The following NAV1 variants were observed in gnomAD, a reference collection of about 807,000 sequenced individuals.
NAV1 encodes the protein neuron navigator 1.
A neutral mutation model predicts 175.2 loss-of-function variants in NAV1; 18 were observed. That is an observed-to-expected ratio of 0.10 (90% CI 0.07 to 0.15). The LOEUF (loss-of-function observed/expected upper bound fraction) is 0.15. Among genes scored for constraint, NAV1 ranks in the 10% least tolerant of loss-of-function variants. NAV1 has a pLI of 1.00. For synonymous variants in NAV1, 897 were observed against 978.7 expected (o/e 0.92, Z 1.56); for missense variants, 1,731 against 2,436.6 (o/e 0.71, Z 6.10).
intron 12 of NAV1, 35 bp downstream of exon 16, chr1:201,790,612 A>G (rs1182684945): frequency 1.2e-6 from 2 of 1,613,948 alleles, no homozygotes; most frequent in Non-Finnish European, 1.7e-6. Context: ...GCTTGTTAAC[A>G]TCACTGCACC....
Position 201,782,923 on chromosome 1 carries a change from A to AT in NAV1, c.2357+55dup. The AT allele has an allele frequency of 1.4e-6, 2 of 1,464,294 alleles. No homozygotes were observed. The highest frequency in any genetic ancestry group is 4.3e-5 in the Admixed American group (2 of 46,898). 90.7% of individuals were successfully genotyped at this position (1,464,294 alleles called of 1,614,324 possible). On this transcript the variant is annotated intron_variant, in intron 6 of 29. Transcript: ENST00000367296. This position sits in a 1 kb window ranked among gnomAD's most constrained non-coding sequence, Gnocchi z 5.4. ...TCTGTTTGCTTTGTCATTCTTTCGC[A>AT]TATCTCTGCCCTCCTTGGACTAGAT...
rs1188216052 is a variant in NAV1 at position 201,812,406 on chromosome 1, G to A, written c.5025-59G>A. The A allele has an allele frequency of 1.3e-6, 2 of 1,542,618 alleles. No homozygotes were observed. Among genetic ancestry groups the A allele is most frequent in the Middle Eastern group, 2.0e-4 (1 of 4,932 alleles). The stretch of plus-strand genomic sequence containing the variant: ...AAGGAGGGACAGACTGGCAGGGGCT[G>A]AACCCTGACAATGTCCCCATTGCCA... On this transcript the variant is annotated intron_variant, in intron 26 of 29. Transcript: ENST00000367296. This position sits in a 1 kb window ranked among gnomAD's most constrained non-coding sequence, Gnocchi z 4.6.
rs1012952464 is a variant in NAV1 at position 201,709,188 on chromosome 1, C to T, written c.758-3629C>T. 2.6e-5 allele frequency among the ~76,000 whole-genome samples: 4 copies of T among 151,000 alleles called. No individual in the cohort carries two copies. The South Asian group carries it at 8.3e-4, about 31-fold the overall frequency. ...CATTGAACTTTTAGGTTACTTTTCT[C>T]ATTATCACAGAGTAGCGGAAGCCCT... On this transcript the variant is annotated intron_variant, in intron 1 of 29. Transcript: ENST00000367296.
rs1486727612 is a variant in NAV1, at chr1:201,812,622, A to T, written c.5182A>T (p.Thr1728Ser). The change falls in exon 27 of 30, where the codon ACC becomes TCC. Residue 1728 changes from threonine (T) to serine (S), a missense_variant. Transcript: ENST00000367296. The surrounding 1 kb of genome is among the most constrained non-coding windows in gnomAD (Gnocchi z 4.6). ...ACCCAAGCTGTGGTATCATCTCCAC[A>T]CCTTCCTTGAGAAGCACAGCACCTC... The T allele has an allele frequency of 6.2e-7, 1 of 1,613,862 alleles. No homozygotes were observed. Among genetic ancestry groups the T allele is most frequent in the Non-Finnish European group, 8.5e-7 (1 of 1,180,036 alleles).
At chr1:201,614,351 G>A (rs968613529) in intron 2 of NAV1, among the ~76,000 whole-genome samples, 3 of 152,186 alleles carry the variant, frequency 2.0e-5, no homozygotes, top group Admixed American at 6.5e-5. Flanking sequence ...CACCACGGCC[G>A]CCGCCCAGTG....
At chr1:201,705,673 C>CCCTG (rs1350858998) in intron 1 of NAV1, among the ~76,000 whole-genome samples, 1 of 152,000 alleles carries the variant, frequency 6.6e-6, no homozygotes, top group Non-Finnish European at 1.5e-5. Context: ...ACAAATAGTC[C>CCCTG]CCTGCCTGCA....
intron 2 of NAV1, among the ~76,000 whole-genome samples, chr1:201,640,042 TCCCCCG>T (rs1668707644): frequency 6.6e-6 from 1 of 151,604 alleles, no homozygotes; most frequent in African/African-American, 2.4e-5. Context: ...TTCTGGAAGC[TCCCCCG>T]AGACGGTTGA....
chr1:201,689,800 C>A (rs758329442), intron 1 of NAV1, among the ~76,000 whole-genome samples: 17 of 152,176 alleles, frequency 1.1e-4, no homozygotes, highest in Non-Finnish European at 2.5e-4. Flanking sequence ...TGGGGGAGTG[C>A]GGTGGAAGCT....
chr1:201,617,545 G>A (rs1668041727), intron 2 of NAV1, among the ~76,000 whole-genome samples: 1 of 152,154 alleles, frequency 6.6e-6, no homozygotes, highest in Admixed American at 6.5e-5. Context: ...GGGAAACATA[G>A]CAAGACCTCA....
chr1:201,819,903 C>T, exon 30 of NAV1: 1 of 1,614,188 alleles, frequency 6.2e-7, no homozygotes. Context: ...AGAAACCATC[C>T]TGGACCCCAA....
intron 3 of NAV1, among the ~76,000 whole-genome samples, chr1:201,745,731 C>G (rs1184085822): frequency 6.6e-6 from 1 of 152,234 alleles, no homozygotes; most frequent in Non-Finnish European, 1.5e-5. Flanking sequence ...TGGGTACTTT[C>G]TACAAGCTTG....
chr1:201,752,120 AG>A (rs1674148757), intron 3 of NAV1, among the ~76,000 whole-genome samples: 1 of 152,198 alleles, frequency 6.6e-6, no homozygotes, highest in Non-Finnish European at 1.5e-5. Context: ...CCCTCAACAA[AG>A]ATATTTCACC....
At chr1:201,575,090 G>GCACCTTTGAAGAAGGTGCA (rs1666657930) in intron 1 of NAV1, among the ~76,000 whole-genome samples, 1 of 152,262 alleles carries the variant, frequency 6.6e-6, no homozygotes, top group South Asian at 2.1e-4. Context: ...CTCCTTTGAA[G>GCACCTTTGAAGAAGGTGCA]TCCTGATGCA....
At chr1:201,562,130 A>C (rs1666218649) in intron 1 of NAV1, among the ~76,000 whole-genome samples, 1 of 151,180 alleles carries the variant, frequency 6.6e-6, no homozygotes, top group Non-Finnish European at 1.5e-5. Flanking sequence ...TTAGCCTCCT[A>C]AGTAGCTGAG....
intron 3 of NAV1, among the ~76,000 whole-genome samples, chr1:201,745,684 G>A (rs548958192): frequency 6.6e-6 from 1 of 152,256 alleles, no homozygotes; most frequent in Admixed American, 6.5e-5. Flanking sequence ...TGGCTATACA[G>A]CCACTCCTCC....
chr1:201,655,318 A>G (rs905055329), intron 1 of NAV1, among the ~76,000 whole-genome samples: 5 of 152,230 alleles, frequency 3.3e-5, no homozygotes, highest in African/African-American at 1.2e-4. Context: ...TGAGCCAGCC[A>G]ACAAGGGGAA....
At chr1:201,645,744 G>C (rs1668955734), upstream of NAV1, among the ~76,000 whole-genome samples, 1 of 151,990 alleles carries the variant, frequency 6.6e-6, no homozygotes, top group South Asian at 2.1e-4. Flanking sequence ...ATTTCCCTTT[G>C]TCTGCTAAGG....
At chr1:201,698,826 A>G (rs182819508) in intron 1 of NAV1, among the ~76,000 whole-genome samples, 3 of 152,338 alleles carry the variant, frequency 2.0e-5, no homozygotes, top group Admixed American at 6.5e-5. Flanking sequence ...GGTGAAGTCA[A>G]ATGACAAAAG....
chr1:201,674,388 TG>T (rs1395562314), intron 1 of NAV1, among the ~76,000 whole-genome samples: 14 of 151,150 alleles, frequency 9.3e-5, no homozygotes, highest in African/African-American at 3.0e-4. Context: ...AATGAGTGTG[TG>T]TTGGGGGGGG....
Sources: gnomAD v4.1 joint callset for allele counts (sites outside exome capture counted in the v4.1 genomes callset) on GRCh38, gnomAD v4.1.1 for gene constraint, Gnocchi (gnomAD v3.1) non-coding constraint, MANE v1.5 for transcripts, NCBI Gene and HGNC (gene_info 2026-07-23, HGNC 2026-07-21) for gene names.